Variants in PGAM5 observed in about 807,000 individuals in gnomAD.
PGAM5 encodes PGAM family member 5, mitochondrial serine/threonine protein phosphatase.
A neutral mutation model predicts 30.6 loss-of-function variants in PGAM5; 25 were observed. The ratio of observed to expected loss-of-function variants is 0.82; its 90% CI spans 0.60 to 1.14. The LOEUF is 1.14. Among genes scored for constraint, PGAM5 ranks in the 50% most tolerant of loss-of-function variants. The pLI, the probability that PGAM5 is intolerant of heterozygous loss-of-function variation, is 0.00. For synonymous variants in PGAM5, 201 were observed against 179.1 expected, an observed-to-expected ratio of 1.12 and a Z score of -0.98; for missense variants, 384 against 408.5, an observed-to-expected ratio of 0.94 and a Z score of 0.52.
chr12:132,716,794 T>C (rs536653308), intron 2 of PGAM5, among the ~76,000 whole-genome samples: 9 of 152,184 alleles, frequency 5.9e-5, no homozygotes, highest in Non-Finnish European at 1.0e-4. Context: ...ATAGTAAAAA[T>C]GTGCAGGGCT....
intron 5 of PGAM5, chr12:132,718,841 C>T (rs2043614894): frequency 1.2e-6 from 2 of 1,613,292 alleles, no homozygotes; most frequent in Non-Finnish European, 1.7e-6. Context: ...GTGGGCGCTC[C>T]CACCCGTGTG....
rs1373200961 is a variant in PGAM5 at position 132,714,926 on chromosome 12, C to G, written c.260C>G (p.Ser87Cys). ...NVESGEEELA[S>C]KLDHYKAKAT... ...GAATCTGGGGAAGAAGAGCTGGCGTCCAAGCTGGACCACTACAAAGCCAAG... is the reference window on the plus strand; with the variant it reads ...GAATCTGGGGAAGAAGAGCTGGCGTGCAAGCTGGACCACTACAAAGCCAAG... The change falls in exon 2 of 6, where the codon TCC becomes TGC. Residue 87 changes from serine (S) to cysteine (C), a missense_variant. By Grantham distance (112) the Ser-to-Cys change is moderately radical. Transcript: ENST00000498926. 2 of 1,613,694 alleles carry G rather than the reference C, an allele frequency of 1.2e-6. No individual in the cohort carries two copies. The highest frequency in any genetic ancestry group is 1.1e-5 in the South Asian group (1 of 91,088).
chr12:132,718,849 G>A (rs1431604887), intron 5 of PGAM5: 7 of 1,612,998 alleles, frequency 4.3e-6, no homozygotes, highest in East Asian at 4.5e-5. Flanking sequence ...TCCCACCCGT[G>A]TGCCAGCGTG....
chr12:132,717,912 G>T (rs927940441), intron 4 of PGAM5, 75 bp from the exon 5 acceptor site: 11 of 1,600,502 alleles, frequency 6.9e-6, no homozygotes, highest in Non-Finnish European at 6.8e-6. Flanking sequence ...TCCCCGGGCG[G>T]CGATGGGGTC....
intron 5 of PGAM5, chr12:132,719,121 A>G (rs1593121994): frequency 1.5e-6 from 2 of 1,351,618 alleles, no homozygotes; most frequent in Admixed American, 3.4e-5. Context: ...TGCCTGAAAC[A>G]GTCAGAAGGG....
At chr12:132,711,271 T>A in intron 1 of PGAM5, 1 of 330,790 alleles carries the variant, frequency 3.0e-6, no homozygotes, top group Non-Finnish European at 5.2e-6. Context: ...CGCCGGCTTC[T>A]GTGGCCGAGC....
chr12:132,712,523 C>T (rs1332141401), intron 1 of PGAM5, among the ~76,000 whole-genome samples: 2 of 152,194 alleles, frequency 1.3e-5, no homozygotes, highest in Non-Finnish European at 2.9e-5. Flanking sequence ...ATGGTGCAAT[C>T]TCGGCTCACT....
chr12:132,718,263 G>T (rs559455164), intron 5 of PGAM5, 143 bp downstream of exon 5: 1 of 1,080,710 alleles, frequency 9.3e-7, no homozygotes, highest in Admixed American at 2.5e-5. Flanking sequence ...CACTTCCCGC[G>T]AGTCCTAGTC....
At chr12:132,711,926 T>C (rs1436679168) in intron 1 of PGAM5, among the ~76,000 whole-genome samples, 2 of 152,218 alleles carry the variant, frequency 1.3e-5, no homozygotes, top group Admixed American at 6.5e-5. Context: ...TAATTTCACA[T>C]GTTGCTGGCA....
At chr12:132,716,952 G>C (rs1292316136) in intron 2 of PGAM5, among the ~76,000 whole-genome samples, 2 of 152,208 alleles carry the variant, frequency 1.3e-5, no homozygotes, top group Non-Finnish European at 2.9e-5. Context: ...GCTCACAAGA[G>C]AAAAGGCATC....
intron 1 of PGAM5, among the ~76,000 whole-genome samples, chr12:132,714,243 C>T (rs1200212479): frequency 6.6e-6 from 1 of 152,234 alleles, no homozygotes; most frequent in East Asian, 1.9e-4. Flanking sequence ...GTGTCGAACT[C>T]TTGACCTCAG....
intron 5 of PGAM5, chr12:132,719,136 C>T: frequency 7.6e-7 from 1 of 1,316,614 alleles, no homozygotes; most frequent in Non-Finnish European, 9.7e-7. Flanking sequence ...GAAGGGTTGG[C>T]CAAATCTCAC....
Position 132,721,605 on chromosome 12 carries a change from T to G in PGAM5, c.*777T>G, listed in dbSNP as rs2043644807. Reference sequence around the variant, plus strand: ...GGAGACTTAAAGCAATTTTTTCTTTTGAAACGGAGTTTCACTCTTGTTGCC... The same window carrying G: ...GGAGACTTAAAGCAATTTTTTCTTTGGAAACGGAGTTTCACTCTTGTTGCC... On this transcript the variant is annotated 3_prime_UTR_variant, in exon 6 of 6. Coordinates refer to ENST00000498926, the MANE Select transcript of PGAM5 (RefSeq NM_001170543.2). 1 of 152,242 alleles carries G rather than the reference T, an allele frequency of 6.6e-6. No individual in the cohort carries two copies. The highest frequency in any genetic ancestry group is 1.5e-5 in the Non-Finnish European group (1 of 68,056). 9.4% of individuals were successfully genotyped at this position (152,242 alleles called of 1,614,324 possible).
In PGAM5 at chr12:132,718,780, C is replaced by T. The variant is rs771720966; in HGVS notation, c.719+660C>T. 2.0e-5 allele frequency: 32 copies of T among 1,613,470 alleles called. No homozygotes were observed. In the East Asian group the frequency reaches 3.1e-4, roughly 16 times the overall value. Reference sequence around the variant, plus strand: ...CTGGCAGCATCCCGCCGCTGTTGTCCGCTGGGGATTTTGTGCTTCTGGGGT... The same window carrying T: ...CTGGCAGCATCCCGCCGCTGTTGTCTGCTGGGGATTTTGTGCTTCTGGGGT... On this transcript the variant is annotated intron_variant, in intron 5 of 5. Transcript: ENST00000498926.
intron 2 of PGAM5, among the ~76,000 whole-genome samples, chr12:132,715,278 G>A (rs2043563782): frequency 6.6e-6 from 1 of 152,210 alleles, no homozygotes; most frequent in Admixed American, 6.5e-5. Context: ...TTTTCAAAAT[G>A]TCCTTACCTT....
intron 5 of PGAM5, chr12:132,719,230 CTT>C (rs2043619647): frequency 8.8e-7 from 1 of 1,138,244 alleles, no homozygotes; most frequent in South Asian, 2.0e-5. Flanking sequence ...AGGGGGCCCT[CTT>C]GAGTGTGACG....
In PGAM5 at chr12:132,717,772, GTGTCTCA is replaced by G; in HGVS notation, c.561_567del (p.Ser188GlyfsTer74). On this transcript the variant is annotated frameshift_variant, in exon 4 of 6. Coordinates refer to ENST00000498926, the MANE Select transcript of PGAM5 (RefSeq NM_001170543.2). LOFTEE classifies it high-confidence loss of function. Reference sequence around the variant, plus strand: ...CGCCCCCATCGAGCCAGACCCGCCCGTGTCTCATTGGAAGCCGGAAGCTGTGGTAAAA... The same window carrying G: ...CGCCCCCATCGAGCCAGACCCGCCCGTTGGAAGCCGGAAGCTGTGGTAAAA... 6.3e-7 allele frequency: 1 copy of G among 1,588,204 alleles called. No individual in the cohort carries two copies. Among genetic ancestry groups the G allele is most frequent in the Non-Finnish European group, 8.6e-7 (1 of 1,167,448 alleles).
Position 132,718,127 on chromosome 12 carries a change from A to C in PGAM5, c.719+7A>C. On this transcript the variant is annotated splice_region_variant and intron_variant, in intron 5 of 5. Coordinates refer to ENST00000498926, the MANE Select transcript of PGAM5 (RefSeq NM_001170543.2). ...TCCGCTACATCGTGTGCAGGTAGGC[A>C]GCTGCTGGGCTGGGCGTGGTCTAAA... 6.2e-7 allele frequency: 1 copy of C among 1,612,508 alleles called. No individual in the cohort carries two copies. Among genetic ancestry groups the C allele is most frequent in the East Asian group, 2.2e-5 (1 of 44,792 alleles).
rs894780224 is a variant in PGAM5, at chr12:132,722,575, G to A, written c.*1747G>A. The A allele has an allele frequency of 6.6e-6, 1 of 152,098 alleles. No homozygotes were observed. The highest frequency in any genetic ancestry group is 1.5e-5 in the Non-Finnish European group (1 of 68,026). The allele number at this position is 152,098 out of a possible 1,614,324, so 9.4% of individuals were successfully genotyped here. A position where few individuals can be genotyped will look rare whatever the true frequency, so the allele number is the denominator to read the frequency against. ...GGATTAAAATATTCAAACATGTTGTGTGTACCCAGATATGCTGTTAATTTA... is the reference window on the plus strand; with the variant it reads ...GGATTAAAATATTCAAACATGTTGTATGTACCCAGATATGCTGTTAATTTA... On this transcript the variant is annotated 3_prime_UTR_variant, in exon 6 of 6. Coordinates refer to ENST00000498926, the MANE Select transcript of PGAM5 (RefSeq NM_001170543.2).
Sources: gnomAD v4.1 joint callset for allele counts (sites outside exome capture counted in the v4.1 genomes callset) on GRCh38, gnomAD v4.1.1 for gene constraint, MANE v1.5 for transcripts, NCBI Gene and HGNC (gene_info 2026-07-23, HGNC 2026-07-21) for gene names.